TASP1: variants seen among roughly 807,000 people sequenced by gnomAD.
TASP1 encodes the protein threonine aspartase 1.
TASP1 carries 16 observed loss-of-function variants against 56.6 expected under a neutral mutation model. That is an observed-to-expected ratio of 0.28 (90% CI 0.19 to 0.43). The LOEUF is 0.43. Among genes scored for constraint, TASP1 ranks in the 20% least tolerant of loss-of-function variants. TASP1 has a pLI of 1.00. For missense variants in TASP1, 393 were observed against 511.6 expected (o/e 0.77, Z 2.24); for synonymous variants, 179 against 184.2 (o/e 0.97, Z 0.23).
intron 10 of TASP1, among the ~76,000 whole-genome samples, chr20:13,493,153 AC>A (rs1469285430): frequency 2.6e-5 from 4 of 152,164 alleles, no homozygotes. Context: ...AAAAACTAAA[AC>A]CAAAAAAACA....
At chr20:13,182,956 C>T in the TASP1 span, among the ~76,000 whole-genome samples, 4 of 152,290 alleles carry the variant, frequency 2.6e-5, no homozygotes, top group South Asian at 2.1e-4. Context: ...AAAATCTCCA[C>T]GATCCCTGTA....
the TASP1 span, among the ~76,000 whole-genome samples, chr20:13,285,841 T>C: frequency 6.6e-6 from 1 of 152,310 alleles, no homozygotes; most frequent in East Asian, 1.9e-4. Flanking sequence ...CTAAAATACA[T>C]AGTTTAATGC....
Position 13,390,320 on chromosome 20 carries a change from C to G in TASP1, c.*40G>C. 6.3e-7 allele frequency: 1 copy of G among 1,582,322 alleles called. No individual in the cohort carries two copies. The highest frequency in any genetic ancestry group is 8.7e-7 in the Non-Finnish European group (1 of 1,154,698). Reference sequence around the variant, plus strand: ...TTAAAAACCCCCAAAAGCTCAGGTTCTGAAATGCCTCTGAGACGCTTCACA... The same window carrying G: ...TTAAAAACCCCCAAAAGCTCAGGTTGTGAAATGCCTCTGAGACGCTTCACA... On this transcript the variant is annotated 3_prime_UTR_variant, in exon 14 of 14. Coordinates refer to ENST00000337743, the MANE Select transcript of TASP1 (RefSeq NM_017714.3).
the TASP1 span, among the ~76,000 whole-genome samples, chr20:13,305,770 G>A: frequency 5.3e-4 from 81 of 152,296 alleles, no homozygotes; most frequent in Non-Finnish European, 9.0e-4. Context: ...TTTAAGGAAC[G>A]AATTTATGAG....
the TASP1 span, among the ~76,000 whole-genome samples, chr20:13,134,290 T>C: frequency 6.6e-6 from 1 of 152,244 alleles, no homozygotes; most frequent in African/African-American, 2.4e-5. Flanking sequence ...TATCTCCGAA[T>C]ACTTAACATC....
At chr20:13,612,731 A>G (rs1319414849) in intron 4 of TASP1, among the ~76,000 whole-genome samples, 1 of 152,218 alleles carries the variant, frequency 6.6e-6, no homozygotes, top group Non-Finnish European at 1.5e-5. Flanking sequence ...GAAAGTAGGC[A>G]CATGACATAA....
At chr20:13,531,454 A>G (rs2045213261) in intron 9 of TASP1, among the ~76,000 whole-genome samples, 1 of 151,860 alleles carries the variant, frequency 6.6e-6, no homozygotes, top group Non-Finnish European at 1.5e-5. Context: ...AAAGAAGCAA[A>G]TAAGTTCTAA....
At chr20:13,498,206 CAA>C (rs1256062345) in intron 10 of TASP1, among the ~76,000 whole-genome samples, 1 of 152,114 alleles carries the variant, frequency 6.6e-6, no homozygotes, top group Admixed American at 6.6e-5. Flanking sequence ...AAAATATTTG[CAA>C]ACTATGTTTC....
chr20:13,302,233 T>C, the TASP1 span, among the ~76,000 whole-genome samples: 14,255 of 152,210 alleles, frequency 0.094, 720 homozygotes, highest in Admixed American at 0.12. Context: ...ATATCAGACC[T>C]TGCTGACCTA....
At position 13,417,147 on chromosome 20, in the gene TASP1, AC is replaced by A. The variant is rs949393226; in HGVS notation, c.1170+300del. Among the ~76,000 whole-genome samples, 20 of 152,068 alleles carry A rather than the reference AC, an allele frequency of 1.3e-4. 1 individual carries two copies. Among genetic ancestry groups the A allele is most frequent in the African/African-American group, 4.6e-4 (19 of 41,470 alleles). ...CTTCACTCCCATTTTCTCTTCCCAA[AC>A]CCCAGTTTCCTCTTCTCTACTTATT... On this transcript the variant is annotated intron_variant, in intron 13 of 13. Transcript: ENST00000337743.
intron 4 of TASP1, among the ~76,000 whole-genome samples, chr20:13,614,361 T>C (rs1319219316): frequency 6.6e-6 from 1 of 151,972 alleles, no homozygotes; most frequent in Non-Finnish European, 1.5e-5. Flanking sequence ...ACAACATACG[T>C]AGTAGAAACT....
chr20:13,183,804 C>T, the TASP1 span, among the ~76,000 whole-genome samples: 17 of 151,768 alleles, frequency 1.1e-4, no homozygotes, highest in African/African-American at 3.1e-4. Context: ...CTGAGGTGGG[C>T]GGATCACGAG....
At chr20:13,572,177 A>G (rs1470790430) in intron 6 of TASP1, among the ~76,000 whole-genome samples, 1 of 152,180 alleles carries the variant, frequency 6.6e-6, no homozygotes, top group Non-Finnish European at 1.5e-5. Context: ...CTTCATCAAC[A>G]TATCTCAAGC....
intron 5 of TASP1, among the ~76,000 whole-genome samples, chr20:13,585,824 T>C: frequency 6.6e-6 from 1 of 152,142 alleles, no homozygotes; most frequent in Non-Finnish European, 1.5e-5. Context: ...AAAATATATA[T>C]GCATATGTAC....
At chr20:13,477,543 C>G (rs2042988364) in intron 11 of TASP1, among the ~76,000 whole-genome samples, 1 of 152,036 alleles carries the variant, frequency 6.6e-6, no homozygotes, top group Non-Finnish European at 1.5e-5. Context: ...AGTTCACATA[C>G]CACACATACA....
intron 9 of TASP1, among the ~76,000 whole-genome samples, chr20:13,533,071 C>A (rs1485204315): frequency 6.6e-6 from 1 of 152,188 alleles, no homozygotes; most frequent in African/African-American, 2.4e-5. Context: ...TCAAACAACA[C>A]CACTTTGGGG....
chr20:13,587,506 G>T, intron 4 of TASP1, 136 bp from the exon 5 acceptor site: 1 of 631,388 alleles, frequency 1.6e-6, no homozygotes, highest in Non-Finnish European at 2.6e-6. Flanking sequence ...ATACCACCCT[G>T]ATGTTAAAAC....
the TASP1 span, among the ~76,000 whole-genome samples, chr20:13,213,135 T>C: frequency 6.6e-6 from 1 of 152,184 alleles, no homozygotes; most frequent in Non-Finnish European, 1.5e-5. Context: ...TTCTTTCAGA[T>C]ATAATCTGAA....
chr20:13,154,981 GA>G, the TASP1 span, among the ~76,000 whole-genome samples: 1 of 152,062 alleles, frequency 6.6e-6, no homozygotes, highest in Non-Finnish European at 1.5e-5. Flanking sequence ...AGGAGTTCGA[GA>G]CCAGCCTGGC....
Sources: gnomAD v4.1 joint callset for allele counts (sites outside exome capture counted in the v4.1 genomes callset) on GRCh38, gnomAD v4.1.1 for gene constraint, MANE v1.5 for transcripts, NCBI Gene and HGNC (gene_info 2026-07-23, HGNC 2026-07-21) for gene names.